Variants in SMARCA2 observed in about 807,000 individuals in gnomAD.
SMARCA2 encodes the protein SWI/SNF-related matrix-associated actin-dependent regulator of chromatin subfamily A member 2.
SMARCA2 carries 61 observed loss-of-function variants against 199.8 expected under a neutral mutation model. The ratio of observed to expected loss-of-function variants is 0.31; its 90% CI spans 0.25 to 0.38. The LOEUF is 0.38. Among genes scored for constraint, SMARCA2 ranks in the 10% least tolerant of loss-of-function variants. SMARCA2 has a pLI of 1.00. For synonymous variants in SMARCA2, 935 were observed against 732.0 expected (o/e 1.28, Z -4.48); for missense variants, 1,344 against 2,012.2 (o/e 0.67, Z 6.35).
At chr9:2,139,847 C>T (rs755177167) in intron 27 of SMARCA2, among the ~76,000 whole-genome samples, 2 of 152,100 alleles carry the variant, frequency 1.3e-5, no homozygotes, top group African/African-American at 2.4e-5. Flanking sequence ...AATTCAGGCC[C>T]CTCTCATAAT....
Position 2,115,284 on chromosome 9 carries a change from GTCTTTGATAAGGTTAGGT to G in SMARCA2, c.3457-535_3457-518del, listed in dbSNP as rs1345906669. Among the ~76,000 whole-genome samples, 1 of 152,138 alleles carries G rather than the reference GTCTTTGATAAGGTTAGGT, an allele frequency of 6.6e-6. No homozygotes were observed. Among genetic ancestry groups the G allele is most frequent in the Non-Finnish European group, 1.5e-5 (1 of 68,022 alleles). ...TTTGATTTCCCAGATTGAAGACCGA[GTCTTTGATAAGGTTAGGT>G]TCGAGGAAATTGACTACCTGAGCAG... On this transcript the variant is annotated intron_variant, in intron 24 of 33. Transcript: ENST00000349721. This position sits in a 1 kb window ranked among gnomAD's most constrained non-coding sequence, Gnocchi z 6.0.
At chr9:2,022,137 A>T (rs1319134866) in intron 1 of SMARCA2, 1 of 152,228 alleles carries the variant, frequency 6.6e-6, no homozygotes, top group Non-Finnish European at 1.5e-5. Context: ...TGAATATTTT[A>T]TCCAATCTGT....
chr9:2,137,523 C>T (rs1004034879), intron 27 of SMARCA2, among the ~76,000 whole-genome samples: 7 of 152,146 alleles, frequency 4.6e-5, no homozygotes, highest in African/African-American at 1.7e-4. Context: ...GTGGCTGTCT[C>T]CTCCTTGTCC....
chr9:2,043,006 G>A (rs1258033590), intron 4 of SMARCA2: 1 of 151,594 alleles, frequency 6.6e-6, no homozygotes, highest in Non-Finnish European at 1.5e-5. Context: ...TTTTTAGATT[G>A]GCTTTTAGAA....
Position 2,032,968 on chromosome 9 carries a change from A to T in SMARCA2, c.242A>T (p.His81Leu), listed in dbSNP as rs201962378. 2 of 1,613,960 alleles carry T rather than the reference A, an allele frequency of 1.2e-6. No homozygotes were observed. Among genetic ancestry groups the T allele is most frequent in the Middle Eastern group, 1.6e-4 (1 of 6,062 alleles). The part of the protein sequence containing the change: ...HQMHKPIDGI[H>L]DKGIVEDIHC... ...ATGTTTCAGCCCATCGATGGTATAC[A>T]TGACAAGGGGATTGTAGAAGACATC... The change falls in exon 3 of 34, where the codon CAT becomes CTT. Residue 81 changes from histidine to leucine, a missense_variant. This residue lies in a region of SMARCA2 where 275 missense variants were observed against 247.5 expected (regional missense o/e 1.11). Transcript: ENST00000349721.
intron 27 of SMARCA2, among the ~76,000 whole-genome samples, chr9:2,156,883 C>T (rs1393048646): frequency 6.6e-6 from 1 of 152,210 alleles, no homozygotes; most frequent in Non-Finnish European, 1.5e-5. Flanking sequence ...CGTCTTCCCT[C>T]AGCCGCTGGT....
At chr9:2,183,479 C>A (rs182112889) in intron 31 of SMARCA2, among the ~76,000 whole-genome samples, 1 of 152,160 alleles carries the variant, frequency 6.6e-6, no homozygotes, top group African/African-American at 2.4e-5. Flanking sequence ...TTTTTCCTGT[C>A]TGTATCTCTG....
intron 1 of SMARCA2, among the ~76,000 whole-genome samples, chr9:2,023,943 A>G (rs1818712789): frequency 6.6e-6 from 1 of 152,204 alleles, no homozygotes; most frequent in African/African-American, 2.4e-5. Flanking sequence ...TGTAACAGCC[A>G]GAACACTTTA....
chr9:2,061,121 A>G, intron 9 of SMARCA2, 135 bp downstream of exon 9: 1 of 829,788 alleles, frequency 1.2e-6, no homozygotes, highest in East Asian at 2.7e-5. Flanking sequence ...AAATTGCATA[A>G]ATGGGTATGG....
In SMARCA2 at chr9:2,039,327, C is replaced by A; in HGVS notation, c.356-139C>A. Reference sequence around the variant, plus strand: ...TATTGATATGTAAAGATCTTAAACTCCATATAATTAATAAATGATATGTCA... The same window carrying A: ...TATTGATATGTAAAGATCTTAAACTACATATAATTAATAAATGATATGTCA... On this transcript the variant is annotated intron_variant, in intron 3 of 33. Coordinates refer to ENST00000349721, the MANE Select transcript of SMARCA2 (RefSeq NM_003070.5). This position sits in a 1 kb window ranked among gnomAD's most constrained non-coding sequence, Gnocchi z 4.8. The A allele has an allele frequency of 2.7e-6, 2 of 754,584 alleles. No individual in the cohort carries two copies. Among genetic ancestry groups the A allele is most frequent in the Non-Finnish European group, 4.2e-6 (2 of 476,452 alleles). The allele number at this position is 754,584 out of a possible 1,614,324, so 46.7% of individuals were successfully genotyped here.
rs139592973 is a variant in SMARCA2 at position 2,095,648 on chromosome 9, G to T, written c.2884-1009G>T. Among the ~76,000 whole-genome samples, 511 of 152,230 alleles carry T rather than the reference G, an allele frequency of 3.4e-3. 5 individuals carry two copies. Among genetic ancestry groups the T allele is most frequent in the Non-Finnish European group, 2.9e-3 (200 of 68,020 alleles). ...AATGTGTGGCCAGAAACTATTAATT[G>T]TGCTTCCATGTGGCCTGACAGATTC... On this transcript the variant is annotated intron_variant, in intron 19 of 33. Coordinates refer to ENST00000349721, the MANE Select transcript of SMARCA2 (RefSeq NM_003070.5).
rs1432050307 is a variant in SMARCA2, at chr9:2,058,162, C to G, written c.1348-129C>G. 5.2e-5 allele frequency: 42 copies of G among 800,528 alleles called. No individual in the cohort carries two copies. The East Asian group carries it at 9.6e-4, about 18-fold the overall frequency. 49.6% of individuals were successfully genotyped at this position (800,528 alleles called of 1,614,324 possible). ...TGCAGAGACACCAGGGCACCTATCC[C>G]CAAACAGATTCTAGTCTTCCTATGC... On this transcript the variant is annotated intron_variant, in intron 7 of 33. Transcript: ENST00000349721.
chr9:2,103,896 A>T (rs1822640557), intron 22 of SMARCA2, 107 bp from the exon 23 acceptor site: 1 of 800,734 alleles, frequency 1.2e-6, no homozygotes, highest in Admixed American at 2.5e-5. Flanking sequence ...TTACTTATTG[A>T]ATGTTTACAG....
At chr9:2,172,345 A>G (rs992011716) in intron 29 of SMARCA2, among the ~76,000 whole-genome samples, 4 of 145,942 alleles carry the variant, frequency 2.7e-5, no homozygotes, top group African/African-American at 9.9e-5. Flanking sequence ...ACAGGGTGGG[A>G]TGGGAAGGGA....
intron 18 of SMARCA2, among the ~76,000 whole-genome samples, chr9:2,087,715 C>A (rs913011009): frequency 6.6e-6 from 1 of 152,050 alleles, no homozygotes; most frequent in Non-Finnish European, 1.5e-5. Flanking sequence ...GAAATGGGCA[C>A]GTGTCATTTT....
Position 2,110,865 on chromosome 9 carries a change from G to T in SMARCA2, c.3456+448G>T, listed in dbSNP as rs1554628207. On this transcript the variant is annotated intron_variant, in intron 24 of 33. Transcript: ENST00000349721. This position sits in a 1 kb window ranked among gnomAD's most constrained non-coding sequence, Gnocchi z 4.8. ...TTGAATCTTTGCAGTCAAGGAAACT[G>T]AATCCTAGGCAGGGTAAGTAACTTC... Among the ~76,000 whole-genome samples, 1 of 152,184 alleles carries T rather than the reference G, an allele frequency of 6.6e-6. No homozygotes were observed. Among genetic ancestry groups the T allele is most frequent in the Non-Finnish European group, 1.5e-5 (1 of 68,026 alleles).
At chr9:2,054,094 C>T (rs1820243136) in intron 5 of SMARCA2, among the ~76,000 whole-genome samples, 1 of 152,192 alleles carries the variant, frequency 6.6e-6, no homozygotes, top group South Asian at 2.1e-4. Context: ...GTGGCATCAG[C>T]ACCTAAAACT....
rs1449442144 is a variant in SMARCA2, at chr9:2,039,271, A to G, written c.356-195A>G. On this transcript the variant is annotated intron_variant, in intron 3 of 33. Coordinates refer to ENST00000349721, the MANE Select transcript of SMARCA2 (RefSeq NM_003070.5). This position sits in a 1 kb window ranked among gnomAD's most constrained non-coding sequence, Gnocchi z 4.8. ...TAACACTTTAAAGTGGCTACCAGAA[A>G]ATTTTAAATTTTACATATATATAAA... Among the ~76,000 whole-genome samples, 1 of 152,008 alleles carries G rather than the reference A, an allele frequency of 6.6e-6. No homozygotes were observed. The highest frequency in any genetic ancestry group is 1.5e-5 in the Non-Finnish European group (1 of 67,988).
chr9:2,186,299 C>A, intron 32 of SMARCA2, 71 bp downstream of exon 32: 1 of 1,485,724 alleles, frequency 6.7e-7, no homozygotes, highest in African/African-American at 1.4e-5. Context: ...CACAGATGTT[C>A]ACAGAAGAGA....
Sources: gnomAD v4.1 joint callset for allele counts (sites outside exome capture counted in the v4.1 genomes callset) on GRCh38, gnomAD v4.1.1 for gene constraint, gnomAD v4.1.1 regional missense constraint, Gnocchi (gnomAD v3.1) non-coding constraint, MANE v1.5 for transcripts, NCBI Gene and HGNC (gene_info 2026-07-23, HGNC 2026-07-21) for gene names.